Variants in CENPP observed in about 807,000 individuals in gnomAD.
CENPP encodes the protein centromere protein P.
A neutral mutation model predicts 35.6 loss-of-function variants in CENPP; 24 were observed. The ratio of observed to expected loss-of-function variants is 0.67; its 90% CI spans 0.49 to 0.95. CENPP has a LOEUF of 0.95. Ranked by LOEUF, CENPP falls within the 40% of genes least tolerant of loss-of-function variation. The pLI, the probability that CENPP is intolerant of heterozygous loss-of-function variation, is 0.00. For missense variants in CENPP, 332 were observed against 345.3 expected (o/e 0.96, Z 0.31); for synonymous variants, 120 against 125.5 (o/e 0.96, Z 0.29).
At chr9:92,410,366 T>C (rs1843413447) in intron 5 of CENPP, among the ~76,000 whole-genome samples, 1 of 152,178 alleles carries the variant, frequency 6.6e-6, no homozygotes, top group South Asian at 2.1e-4. Flanking sequence ...CATTTACTTA[T>C]ATGCACTTTT....
intron 5 of CENPP, among the ~76,000 whole-genome samples, chr9:92,498,021 G>A (rs962054743): frequency 1.3e-5 from 2 of 151,964 alleles, no homozygotes; most frequent in African/African-American, 2.4e-5. Flanking sequence ...TGCCAGTGCC[G>A]TGCTACTTGC....
chr9:92,363,828 C>T (rs1841821666), intron 4 of CENPP, among the ~76,000 whole-genome samples: 1 of 151,922 alleles, frequency 6.6e-6, no homozygotes, highest in African/African-American at 2.4e-5. Context: ...TTTGCTCAAT[C>T]CTATTGGGTT....
intron 4 of CENPP, among the ~76,000 whole-genome samples, chr9:92,347,573 T>C (rs1588047436): frequency 6.6e-6 from 1 of 152,378 alleles, no homozygotes; most frequent in East Asian, 1.9e-4. Context: ...TTAAATGTTA[T>C]ATGCCTAATT....
intron 5 of CENPP, among the ~76,000 whole-genome samples, chr9:92,554,750 G>A (rs1162300988): frequency 6.6e-6 from 1 of 152,086 alleles, no homozygotes; most frequent in East Asian, 1.9e-4. Flanking sequence ...CAAGTTTCCT[G>A]CCTCAGCCTC....
chr9:92,617,252 C>T lies in CENPP; in HGVS notation c.*4103C>T, dbSNP rs1339611858. 2 of 152,190 alleles carry T rather than the reference C, an allele frequency of 1.3e-5. No homozygotes were observed. The highest frequency in any genetic ancestry group is 1.3e-4 in the Admixed American group (2 of 15,274). The allele number at this position is 152,190 out of a possible 1,614,324, so 9.4% of individuals were successfully genotyped here. On this transcript the variant is annotated 3_prime_UTR_variant, in exon 8 of 8. Coordinates refer to ENST00000375587, the MANE Select transcript of CENPP (RefSeq NM_001012267.3). ...TACTGCTCAGTTCTGAGGCCTGAGACCCAAGCTGGGTGCACCTGGGCTGGA... is the reference window on the plus strand; with the variant it reads ...TACTGCTCAGTTCTGAGGCCTGAGATCCAAGCTGGGTGCACCTGGGCTGGA...
At chr9:92,451,180 G>A (rs796912629) in intron 5 of CENPP, among the ~76,000 whole-genome samples, 4,622 of 148,996 alleles carry the variant, frequency 0.031, 109 homozygotes, top group South Asian at 0.082. Context: ...CCATGCCTAT[G>A]TCCTGAATGG....
At chr9:92,345,580 T>C (rs1841269566) in intron 3 of CENPP, 119 bp from the exon 4 acceptor site, 1 of 634,038 alleles carries the variant, frequency 1.6e-6, no homozygotes, top group African/African-American at 1.9e-5. Flanking sequence ...TTGTTTTGTT[T>C]CTGTCATGAT....
intron 2 of CENPP, among the ~76,000 whole-genome samples, chr9:92,334,126 T>G (rs576357254): frequency 1.6e-4 from 24 of 150,178 alleles, no homozygotes; most frequent in Non-Finnish European, 1.9e-4. Context: ...GTAGGGTTTT[T>G]TTTTTTTTTT....
chr9:92,389,271 C>T (rs1273902865), intron 5 of CENPP, among the ~76,000 whole-genome samples: 4 of 152,208 alleles, frequency 2.6e-5, no homozygotes, highest in South Asian at 2.1e-4. Context: ...CTACCTAAAC[C>T]GAAGTAGATT....
chr9:92,544,129 C>G (rs1849375677), intron 5 of CENPP, among the ~76,000 whole-genome samples: 2 of 152,128 alleles, frequency 1.3e-5, no homozygotes, highest in Non-Finnish European at 2.9e-5. Flanking sequence ...AGAAGAAATG[C>G]TTTCAGCTTT....
chr9:92,341,349 G>A (rs981436914), intron 3 of CENPP, among the ~76,000 whole-genome samples: 78 of 152,194 alleles, frequency 5.1e-4, no homozygotes, highest in African/African-American at 1.8e-3. Flanking sequence ...CTTGATGTCT[G>A]TCACCCACAC....
chr9:92,416,534 A>G, intron 5 of CENPP: 1 of 889,734 alleles, frequency 1.1e-6, no homozygotes, highest in South Asian at 2.0e-5. Flanking sequence ...GCAATGTCTA[A>G]AGCATAGCTT....
chr9:92,460,677 AACTC>A, intron 5 of CENPP: 1 of 648,122 alleles, frequency 1.5e-6, no homozygotes, highest in Non-Finnish European at 2.7e-6. Context: ...TTTAGGCACT[AACTC>A]TTTTTTTTCT....
chr9:92,464,836 G>C, intron 5 of CENPP: 1 of 1,009,338 alleles, frequency 9.9e-7, no homozygotes, highest in Non-Finnish European at 1.6e-6. Context: ...AGTGTATACT[G>C]CACAGTTTAC....
chr9:92,382,858 A>G (rs1040832409), intron 5 of CENPP, among the ~76,000 whole-genome samples: 2 of 117,422 alleles, frequency 1.7e-5, no homozygotes, highest in Non-Finnish European at 3.6e-5. Flanking sequence ...GTTGGTCTAT[A>G]TGTCTGTACT....
At chr9:92,393,002 G>A (rs1383174500) in intron 5 of CENPP, 23 of 1,070,408 alleles carry the variant, frequency 2.1e-5, no homozygotes, top group Non-Finnish European at 2.9e-5. Flanking sequence ...AATGTGATAG[G>A]CAGCAACTAT....
intron 5 of CENPP, among the ~76,000 whole-genome samples, chr9:92,585,158 C>A (rs1288582088): frequency 6.6e-6 from 1 of 152,172 alleles, no homozygotes; most frequent in Non-Finnish European, 1.5e-5. Flanking sequence ...GAAGACTGCT[C>A]ACTAGGACTG....
intron 5 of CENPP, among the ~76,000 whole-genome samples, chr9:92,383,406 C>T (rs956979591): frequency 1.3e-5 from 2 of 152,152 alleles, no homozygotes; most frequent in Non-Finnish European, 2.9e-5. Context: ...GTCTTAACAA[C>T]ATTAAATCTT....
intron 1 of CENPP, among the ~76,000 whole-genome samples, chr9:92,331,800 G>A (rs1018387071): frequency 1.4e-4 from 22 of 151,796 alleles, no homozygotes; most frequent in Non-Finnish European, 3.1e-4. Flanking sequence ...GTCTCTATGA[G>A]AAGGAAAAAA....
Sources: gnomAD v4.1 joint callset for allele counts (sites outside exome capture counted in the v4.1 genomes callset) on GRCh38, gnomAD v4.1.1 for gene constraint, MANE v1.5 for transcripts, NCBI Gene and HGNC (gene_info 2026-07-23, HGNC 2026-07-21) for gene names.